The following PTK2 variants were observed in gnomAD, a reference collection of about 807,000 sequenced individuals.
The protein encoded by PTK2 is focal adhesion kinase 1.
PTK2 carries 45 observed loss-of-function variants against 150.1 expected under a neutral mutation model. The observed-to-expected ratio is 0.30, with a 90% CI of 0.24 to 0.38. The LOEUF (loss-of-function observed/expected upper bound fraction) is 0.38. Among genes scored for constraint, PTK2 ranks in the 10% least tolerant of loss-of-function variants. The pLI is 1.00. For synonymous variants in PTK2, 432 were observed against 449.2 expected, an observed-to-expected ratio of 0.96 and a Z score of 0.48; for missense variants, 919 against 1,307.3, an observed-to-expected ratio of 0.70 and a Z score of 4.58.
chr8:140,733,418 G>A (rs1291954743), intron 22 of PTK2, among the ~76,000 whole-genome samples: 1 of 152,118 alleles, frequency 6.6e-6, no homozygotes, highest in East Asian at 1.9e-4. Flanking sequence ...AGAGAAAATG[G>A]GAGAAAATAA....
At chr8:140,992,949 T>C (rs1340790385) in intron 1 of PTK2, among the ~76,000 whole-genome samples, 1 of 152,192 alleles carries the variant, frequency 6.6e-6, no homozygotes, top group Non-Finnish European at 1.5e-5. Context: ...TTGTAAAGCA[T>C]CCAATTAATC....
chr8:140,810,924 C>T (rs1267993648), intron 10 of PTK2, among the ~76,000 whole-genome samples: 2 of 152,240 alleles, frequency 1.3e-5, no homozygotes, highest in African/African-American at 4.8e-5. Context: ...CCACCACCAC[C>T]AGCACCAATG....
At chr8:140,845,796 TTAATACAA>T (rs1392205937) in intron 7 of PTK2, among the ~76,000 whole-genome samples, 1 of 152,194 alleles carries the variant, frequency 6.6e-6, no homozygotes, top group Non-Finnish European at 1.5e-5. Flanking sequence ...TTGGGTTAAT[TTAATACAA>T]TCTAATATAA....
At chr8:140,768,416 C>T (rs1417549824) in intron 14 of PTK2, among the ~76,000 whole-genome samples, 1 of 152,194 alleles carries the variant, frequency 6.6e-6, no homozygotes, top group Admixed American at 6.5e-5. Context: ...AATTTTGATG[C>T]TTACAGAGTA....
At chr8:140,659,440 T>C (rs780619656) in exon 32 of PTK2, 1 of 1,581,414 alleles carries the variant, frequency 6.3e-7, no homozygotes, top group Middle Eastern at 2.3e-4. Flanking sequence ...CAAAAGAGGG[T>C]AGCAAGACGT....
At chr8:140,713,826 C>T (rs2100038049) in intron 23 of PTK2, among the ~76,000 whole-genome samples, 1 of 152,040 alleles carries the variant, frequency 6.6e-6, no homozygotes, top group Non-Finnish European at 1.5e-5. Context: ...TAATAATTGG[C>T]TTTGTGGTTA....
chr8:140,759,043 G>A (rs1041714775), intron 16 of PTK2, among the ~76,000 whole-genome samples: 12 of 152,322 alleles, frequency 7.9e-5, no homozygotes, highest in African/African-American at 2.9e-4. Flanking sequence ...TAGATGTGTA[G>A]TAGGCTAGAC....
chr8:140,807,295 G>A (rs2100098642), intron 10 of PTK2, among the ~76,000 whole-genome samples: 1 of 152,188 alleles, frequency 6.6e-6, no homozygotes, highest in Non-Finnish European at 1.5e-5. Flanking sequence ...GAGGAGGGAG[G>A]AAATAAAGCC....
chr8:140,850,635 C>T (rs2100128684), intron 5 of PTK2, among the ~76,000 whole-genome samples: 2 of 151,108 alleles, frequency 1.3e-5, no homozygotes, highest in Admixed American at 1.3e-4. Flanking sequence ...GAGGCTGAGG[C>T]AAGAGAATGG....
intron 8 of PTK2, among the ~76,000 whole-genome samples, chr8:140,823,914 A>G (rs1406296989): frequency 6.6e-6 from 1 of 152,154 alleles, no homozygotes; most frequent in Admixed American, 6.5e-5. Context: ...ACATTCTTCA[A>G]ATGTAACCCA....
intron 5 of PTK2, among the ~76,000 whole-genome samples, chr8:140,862,263 A>T (rs2100136634): frequency 6.6e-6 from 1 of 152,226 alleles, no homozygotes; most frequent in Non-Finnish European, 1.5e-5. Context: ...AAGTAATACA[A>T]GTAGTGACAC....
At chr8:140,745,363 A>G (rs2100058096) in intron 18 of PTK2, among the ~76,000 whole-genome samples, 1 of 152,228 alleles carries the variant, frequency 6.6e-6, no homozygotes, top group South Asian at 2.1e-4. Flanking sequence ...CATGGCAAAG[A>G]AAGGCAGACA....
At chr8:140,952,100 A>C (rs1488246355) in intron 1 of PTK2, among the ~76,000 whole-genome samples, 1 of 152,170 alleles carries the variant, frequency 6.6e-6, no homozygotes, top group East Asian at 1.9e-4. Flanking sequence ...TGTTGCTGAA[A>C]AGTTACAGTT....
At chr8:140,684,562 A>G (rs916671542) in intron 27 of PTK2, among the ~76,000 whole-genome samples, 9 of 152,246 alleles carry the variant, frequency 5.9e-5, no homozygotes, top group African/African-American at 2.2e-4. Flanking sequence ...ATTTCTCTAC[A>G]CCAACAACAT....
chr8:140,681,239 G>C (rs1042004666), intron 27 of PTK2, among the ~76,000 whole-genome samples: 2 of 151,804 alleles, frequency 1.3e-5, no homozygotes, highest in African/African-American at 4.8e-5. Flanking sequence ...TGTAATCCCA[G>C]CTACTTGGGA....
At chr8:140,868,477 G>T (rs189430226) in intron 4 of PTK2, among the ~76,000 whole-genome samples, 1 of 152,196 alleles carries the variant, frequency 6.6e-6, no homozygotes, top group South Asian at 2.1e-4. Flanking sequence ...GAATGTTGCA[G>T]TATCTATGTA....
intron 22 of PTK2, 181 bp downstream of exon 25, chr8:140,735,070 A>G: frequency 1.6e-6 from 1 of 624,852 alleles, no homozygotes; most frequent in East Asian, 2.7e-5. Context: ...GATATAATTT[A>G]CTTAAGACTC....
intron 27 of PTK2, among the ~76,000 whole-genome samples, chr8:140,685,803 T>C (rs1271340720): frequency 6.6e-6 from 1 of 152,192 alleles, no homozygotes. Flanking sequence ...GTAAATTACT[T>C]CGGTCACTGT....
intron 2 of PTK2, among the ~76,000 whole-genome samples, chr8:140,920,554 T>C (rs531929519): frequency 1.1e-4 from 16 of 152,268 alleles, no homozygotes; most frequent in African/African-American, 2.6e-4. Flanking sequence ...AATAAAACTA[T>C]TGAGACATAG....
Sources: gnomAD v4.1 joint callset for allele counts (sites outside exome capture counted in the v4.1 genomes callset) on GRCh38, gnomAD v4.1.1 for gene constraint, MANE v1.5 for transcripts, NCBI Gene and HGNC (gene_info 2026-07-23, HGNC 2026-07-21) for gene names.